Variants in RTF1 observed in about 807,000 individuals in gnomAD.
RTF1 encodes the protein RTF1 homolog, Paf1/RNA polymerase II complex component, also known as RNA polymerase-associated protein RTF1 homolog.
A neutral mutation model predicts 95.7 loss-of-function variants in RTF1; 10 were observed. The ratio of observed to expected loss-of-function variants is 0.10; its 90% CI spans 0.06 to 0.18. The LOEUF is 0.18. Among genes scored for constraint, RTF1 ranks in the 10% least tolerant of loss-of-function variants. RTF1 has a pLI of 1.00. For missense variants in RTF1, 458 were observed against 875.6 expected, an observed-to-expected ratio of 0.52 and a Z score of 6.02; for synonymous variants, 305 against 311.8, an observed-to-expected ratio of 0.98 and a Z score of 0.23.
intron 1 of RTF1, among the ~76,000 whole-genome samples, chr15:41,418,149 TG>T (rs1260475686): frequency 6.6e-6 from 1 of 152,140 alleles, no homozygotes; most frequent in East Asian, 1.9e-4. Context: ...TAGAAAACAT[TG>T]TAGGGAGGAA....
chr15:41,432,624 T>TC (rs2050681076), intron 1 of RTF1, among the ~76,000 whole-genome samples: 1 of 152,118 alleles, frequency 6.6e-6, no homozygotes, highest in African/African-American at 2.4e-5. Context: ...CAAATTTCTC[T>TC]TATAACGAAT....
intron 4 of RTF1, 144 bp downstream of exon 4, chr15:41,458,020 A>G (rs551867116): frequency 1.3e-4 from 83 of 643,322 alleles, no homozygotes; most frequent in Admixed American, 4.5e-4. Flanking sequence ...GACGCAAGTG[A>G]TGTATTAAAT....
chr15:41,430,386 G>C (rs1176298272), intron 1 of RTF1, among the ~76,000 whole-genome samples: 3 of 151,878 alleles, frequency 2.0e-5, no homozygotes, highest in South Asian at 4.2e-4. Flanking sequence ...GTAGAGACAG[G>C]GTGGGAAGAC....
At chr15:41,471,118 CTTGTTCTGTTT>C in intron 7 of RTF1, 43 bp from the exon 8 acceptor site, 1 of 1,505,012 alleles carries the variant, frequency 6.6e-7, no homozygotes, top group Admixed American at 2.1e-5. Flanking sequence ...ATTTTTCTGT[CTTGTTCTGTTT>C]TTATGATGAA....
intron 2 of RTF1, among the ~76,000 whole-genome samples, chr15:41,445,078 C>T (rs910914431): frequency 2.0e-5 from 3 of 151,936 alleles, no homozygotes; most frequent in Admixed American, 1.3e-4. Flanking sequence ...ACTACAGGCG[C>T]CCACCACCAA....
chr15:41,472,077 T>C (rs2050915033), intron 8 of RTF1, among the ~76,000 whole-genome samples: 1 of 151,968 alleles, frequency 6.6e-6, no homozygotes. Flanking sequence ...TTTTGTATTT[T>C]TAGTAGAGAC....
chr15:41,450,415 G>A (rs950914422), intron 2 of RTF1, among the ~76,000 whole-genome samples: 5 of 151,352 alleles, frequency 3.3e-5, no homozygotes, highest in African/African-American at 1.2e-4. Flanking sequence ...GAGAAACCCC[G>A]TCTCTGCTAA....
intron 2 of RTF1, among the ~76,000 whole-genome samples, chr15:41,446,761 T>C (rs975754001): frequency 3.9e-5 from 6 of 152,058 alleles, no homozygotes; most frequent in African/African-American, 1.4e-4. Flanking sequence ...CCCATTTCTT[T>C]AGACCCTAAT....
intron 3 of RTF1, among the ~76,000 whole-genome samples, chr15:41,456,568 G>A (rs533957161): frequency 4.6e-5 from 7 of 151,334 alleles, no homozygotes; most frequent in East Asian, 3.9e-4. Flanking sequence ...AGGCCAAGGC[G>A]AGCGGATCAC....
chr15:41,426,684 ACCCCGCCCCCCCCCCCCCCCGCCCCCCCC>A (rs532088401), intron 1 of RTF1, among the ~76,000 whole-genome samples: 895 of 2,784 alleles, frequency 0.32, 90 homozygotes, highest in Non-Finnish European at 0.38. Context: ...CAGGTGATCC[ACCCCGCCCCCCCCCCCCCCCGCCCCCCCC>A]CCCCGCCGGC....
At chr15:41,437,505 G>T (rs1280798092) in intron 1 of RTF1, among the ~76,000 whole-genome samples, 1 of 151,786 alleles carries the variant, frequency 6.6e-6, no homozygotes, top group Non-Finnish European at 1.5e-5. Context: ...CAAAAAAAAA[G>T]AAAAAAGAAA....
intron 8 of RTF1, among the ~76,000 whole-genome samples, chr15:41,473,202 TG>T (rs1235209039): frequency 6.6e-6 from 1 of 151,440 alleles, no homozygotes; most frequent in Non-Finnish European, 1.5e-5. Flanking sequence ...GGCGCGATCT[TG>T]GCTTACTGCA....
At chr15:41,462,057 AG>A (rs1265749327) in intron 4 of RTF1, among the ~76,000 whole-genome samples, 1 of 151,742 alleles carries the variant, frequency 6.6e-6, no homozygotes, top group East Asian at 1.9e-4. Flanking sequence ...CCCCAGCTTC[AG>A]TGACTTTTTT....
intron 6 of RTF1, among the ~76,000 whole-genome samples, chr15:41,469,379 C>T (rs1346841244): frequency 6.6e-6 from 1 of 151,658 alleles, no homozygotes; most frequent in Admixed American, 6.6e-5. Context: ...AGCCACCACT[C>T]CTGGTTTGTT....
intron 1 of RTF1, among the ~76,000 whole-genome samples, chr15:41,420,435 G>T (rs897445201): frequency 2.6e-4 from 40 of 152,200 alleles, no homozygotes; most frequent in African/African-American, 8.2e-4. Flanking sequence ...GCTGCTTGGG[G>T]GTCTTTAGGA....
chr15:41,458,790 G>A (rs1446028281), intron 4 of RTF1, among the ~76,000 whole-genome samples: 2 of 151,370 alleles, frequency 1.3e-5, no homozygotes, highest in African/African-American at 4.8e-5. Context: ...AGGAATTACA[G>A]GCCAAGTGTG....
intron 1 of RTF1, among the ~76,000 whole-genome samples, chr15:41,429,313 T>G (rs1344786040): frequency 6.6e-6 from 1 of 152,192 alleles, no homozygotes; most frequent in African/African-American, 2.4e-5. Context: ...ATCTCGTAGA[T>G]CCTTCCACTT....
intron 6 of RTF1, among the ~76,000 whole-genome samples, chr15:41,468,652 C>G (rs943633296): frequency 1.3e-5 from 2 of 152,082 alleles, no homozygotes; most frequent in Admixed American, 1.3e-4. Context: ...TTAGTTACCC[C>G]CCAGGCACAT....
chr15:41,417,581 A>G (rs977936017), intron 1 of RTF1, among the ~76,000 whole-genome samples: 22 of 152,146 alleles, frequency 1.4e-4, no homozygotes, highest in African/African-American at 5.3e-4. Flanking sequence ...GCTCGGGGGT[A>G]GCGAAAGGGG....
Sources: allele counts gnomAD v4.1 joint callset (sites outside exome capture counted in the v4.1 genomes callset), GRCh38; gene constraint gnomAD v4.1.1; transcripts MANE v1.5; gene names NCBI Gene and HGNC (gene_info 2026-07-23, HGNC 2026-07-21).